Variants in BICC1 observed in about 807,000 individuals in gnomAD.
BICC1 encodes protein bicaudal C homolog 1.
BICC1 carries 43 observed loss-of-function variants against 111.0 expected under a neutral mutation model. That is an observed-to-expected ratio of 0.39 (90% CI 0.30 to 0.50). The LOEUF (loss-of-function observed/expected upper bound fraction) is 0.50. BICC1 is among the 20% of genes least tolerant of loss of function. The pLI is 0.88. For missense variants in BICC1, 1,091 were observed against 1,203.2 expected, an observed-to-expected ratio of 0.91 and a Z score of 1.38; for synonymous variants, 467 against 434.4, an observed-to-expected ratio of 1.07 and a Z score of -0.93.
At chr10:58,665,207 C>T (rs1005451449) in intron 2 of BICC1, among the ~76,000 whole-genome samples, 3 of 152,142 alleles carry the variant, frequency 2.0e-5, no homozygotes, top group African/African-American at 4.8e-5. Flanking sequence ...AGGAAAGGGG[C>T]ATTCTCAGTG....
intron 2 of BICC1, among the ~76,000 whole-genome samples, chr10:58,642,912 C>T (rs907929033): frequency 6.6e-6 from 1 of 151,954 alleles, no homozygotes; most frequent in Non-Finnish European, 1.5e-5. Context: ...CTTTGTTGCC[C>T]AGGCCAGTCG....
chr10:58,667,271 T>A (rs1839041901), intron 2 of BICC1, among the ~76,000 whole-genome samples: 1 of 146,958 alleles, frequency 6.8e-6, no homozygotes, highest in African/African-American at 2.5e-5. Flanking sequence ...AGATATACAA[T>A]TTCTCATAGC....
At chr10:58,737,710 C>T (rs1251270067) in intron 3 of BICC1, among the ~76,000 whole-genome samples, 1 of 151,708 alleles carries the variant, frequency 6.6e-6, no homozygotes, top group Non-Finnish European at 1.5e-5. Context: ...TTTACAGTAC[C>T]ACCAATGGTG....
intron 3 of BICC1, among the ~76,000 whole-genome samples, chr10:58,708,614 G>A (rs937011515): frequency 6.6e-6 from 1 of 152,198 alleles, no homozygotes; most frequent in Non-Finnish European, 1.5e-5. Context: ...CCCGAAGATT[G>A]GTTGGACCAG....
chr10:58,709,167 A>G (rs1840493734), intron 3 of BICC1, among the ~76,000 whole-genome samples: 1 of 152,158 alleles, frequency 6.6e-6, no homozygotes, highest in Admixed American at 6.5e-5. Flanking sequence ...CTTCCAATCT[A>G]GATCTTACCT....
intron 3 of BICC1, among the ~76,000 whole-genome samples, chr10:58,732,353 ATGTG>A (rs371077730): frequency 0.96 from 78,441 of 82,038 alleles, 37,716 homozygotes; most frequent in Middle Eastern, 0.98. Context: ...AGAGGAGTGT[ATGTG>A]TGTGTGTGTG....
chr10:58,805,713 A>C (rs1843690165), intron 15 of BICC1, among the ~76,000 whole-genome samples: 1 of 152,168 alleles, frequency 6.6e-6, no homozygotes, highest in Non-Finnish European at 1.5e-5. Context: ...TAGGTACCTT[A>C]TATATGATGG....
intron 17 of BICC1, among the ~76,000 whole-genome samples, chr10:58,811,444 C>T (rs374512943): frequency 2.6e-5 from 4 of 152,090 alleles, no homozygotes; most frequent in Middle Eastern, 3.2e-3. Context: ...CAAAGATATA[C>T]AAATAATAAA....
intron 2 of BICC1, among the ~76,000 whole-genome samples, chr10:58,681,320 A>G (rs191100805): frequency 2.5e-4 from 38 of 152,364 alleles, no homozygotes; most frequent in African/African-American, 8.4e-4. Context: ...ACTAATAAGA[A>G]AATAACTCCA....
intron 1 of BICC1, among the ~76,000 whole-genome samples, chr10:58,610,391 A>C (rs2132104108): frequency 6.6e-6 from 1 of 152,256 alleles, no homozygotes; most frequent in African/African-American, 2.4e-5. Context: ...CATTTTGAGA[A>C]GTGTGTGTAA....
At chr10:58,737,021 A>G (rs1006837295) in intron 3 of BICC1, among the ~76,000 whole-genome samples, 2 of 152,172 alleles carry the variant, frequency 1.3e-5, no homozygotes, top group Non-Finnish European at 2.9e-5. Flanking sequence ...AAAATGAAAT[A>G]CTATATATGT....
At chr10:58,603,557 A>C (rs539433810) in intron 1 of BICC1, among the ~76,000 whole-genome samples, 1 of 152,320 alleles carries the variant, frequency 6.6e-6, no homozygotes, top group African/African-American at 2.4e-5. Context: ...AGAGCGTAAT[A>C]GTTGATACAC....
intron 3 of BICC1, among the ~76,000 whole-genome samples, chr10:58,708,103 C>T (rs1330354876): frequency 3.3e-5 from 5 of 149,434 alleles, no homozygotes; most frequent in Non-Finnish European, 5.9e-5. Context: ...CATGGCCTCC[C>T]AAAGTGCTGG....
chr10:58,584,055 AACACACACACACACACAC>A (rs140080926), intron 1 of BICC1, among the ~76,000 whole-genome samples: 71 of 147,964 alleles, frequency 4.8e-4, no homozygotes, highest in South Asian at 1.7e-3. Flanking sequence ...GTAAACATGA[AACACACACACACACACAC>A]ACACACACAC....
chr10:58,740,039 T>G (rs550502112), intron 3 of BICC1, among the ~76,000 whole-genome samples: 57 of 152,326 alleles, frequency 3.7e-4, no homozygotes, highest in African/African-American at 1.3e-3. Flanking sequence ...TGATGATGTC[T>G]AGCTGGGTTT....
At position 58,812,273 on chromosome 10, in the gene BICC1, CTT is replaced by C. The variant is rs1336438137; in HGVS notation, c.2377-1556_2377-1555del. On this transcript the variant is annotated intron_variant, in intron 17 of 20. Transcript: ENST00000373886. ...AGGGAAGGAGGAACCAAGGATGACC[CTT>C]GGACTTTTGGCTGGAGCAGCTGGGT... Among the ~76,000 whole-genome samples the C allele has an allele frequency of 2.0e-5, 3 of 151,892 alleles. No individual in the cohort carries two copies. The East Asian group carries it at 5.8e-4, about 29-fold the overall frequency.
chr10:58,794,165 T>TTGTGTGTG (rs71006206), intron 9 of BICC1, among the ~76,000 whole-genome samples: 236 of 138,292 alleles, frequency 1.7e-3, no homozygotes, highest in East Asian at 5.7e-3. Flanking sequence ...CTTACATGTT[T>TTGTGTGTG]TGTGTGTGTG....
At chr10:58,542,432 G>A (rs1357045204) in intron 1 of BICC1, among the ~76,000 whole-genome samples, 2 of 151,602 alleles carry the variant, frequency 1.3e-5, no homozygotes, top group African/African-American at 4.9e-5. Context: ...AGAAAACAGG[G>A]GAAAAGCTTC....
chr10:58,772,445 G>A (rs1357564489), intron 3 of BICC1, among the ~76,000 whole-genome samples: 1 of 152,060 alleles, frequency 6.6e-6, no homozygotes, highest in Non-Finnish European at 1.5e-5. Flanking sequence ...TAGCATTCAC[G>A]TTTTAAATAT....
Sources: allele counts gnomAD v4.1 joint callset (sites outside exome capture counted in the v4.1 genomes callset), GRCh38; gene constraint gnomAD v4.1.1; transcripts MANE v1.5; gene names NCBI Gene and HGNC (gene_info 2026-07-23, HGNC 2026-07-21).